Variants in HSPG2 observed in about 807,000 individuals in gnomAD.
HSPG2 encodes the protein heparan sulfate proteoglycan 2.
A neutral mutation model predicts 526.6 loss-of-function variants in HSPG2; 278 were observed. The observed-to-expected ratio is 0.53, with a 90% CI of 0.48 to 0.58. HSPG2 has a LOEUF of 0.58. HSPG2 is among the 20% of genes least tolerant of loss of function. The pLI is 0.00. For synonymous variants in HSPG2, 2,465 were observed against 2,555.4 expected, an observed-to-expected ratio of 0.96 and a Z score of 1.07; for missense variants, 5,354 against 6,099.5, an observed-to-expected ratio of 0.88 and a Z score of 4.07.
At chr1:21,827,386 C>A (rs1421077580) in intron 91 of HSPG2, among the ~76,000 whole-genome samples, 1 of 152,186 alleles carries the variant, frequency 6.6e-6, no homozygotes, top group Non-Finnish European at 1.5e-5. Flanking sequence ...GGCTCCAAGT[C>A]TATACTCTTA....
chr1:21,839,858 C>T lies in HSPG2; in HGVS notation c.9673G>A (p.Ala3225Thr), dbSNP rs2098041709. ...QAEEAELTVE[A>T]GHTATLRCSA... The stretch of plus-strand genomic sequence containing the variant: ...CAGCGCAAGGTGGCCGTGTGTCCAG[C>T]CTCCACAGTCAGCTCAGCTTCTTCA... Residue 3225 changes from alanine (A) to threonine (T), a missense_variant, in exon 72 of 97, where the codon GCT (alanine) becomes ACT (threonine). Physicochemically the swap from Ala to Thr is moderately conservative, Grantham distance 58 (BLOSUM62 0). Coordinates refer to ENST00000374695, the MANE Select transcript of HSPG2 (RefSeq NM_005529.7). This position sits in a 1 kb window ranked among gnomAD's most constrained non-coding sequence, Gnocchi z 4.5. The T allele has an allele frequency of 6.2e-7, 1 of 1,614,052 alleles. No individual in the cohort carries two copies. The highest frequency in any genetic ancestry group is 8.5e-7 in the Non-Finnish European group (1 of 1,180,024).
At chr1:21,925,062 T>C (rs940056984) in intron 1 of HSPG2, among the ~76,000 whole-genome samples, 1 of 152,214 alleles carries the variant, frequency 6.6e-6, no homozygotes, top group African/African-American at 2.4e-5. Flanking sequence ...TCCAATTTCT[T>C]CCAGGAGGTC....
chr1:21,878,593 C>A lies in HSPG2; in HGVS notation c.2542G>T (p.Gly848Cys). ...CTCCCTCACCTCTCACAGCGGCGGCCAGTGTAGCCTGGGGCACAGGCGTCA... is the reference window on the plus strand; with the variant it reads ...CTCCCTCACCTCTCACAGCGGCGGCAAGTGTAGCCTGGGGCACAGGCGTCA... Reference protein sequence around the residue: ...TCDACAPGYTGRRCESCAPGY... With the variant: ...TCDACAPGYTCRRCESCAPGY... The change falls in exon 19 of 97, where the codon GGC (glycine) becomes TGC (cysteine). Residue 848 changes from glycine to cysteine, a missense_variant. Coordinates refer to ENST00000374695, the MANE Select transcript of HSPG2 (RefSeq NM_005529.7). The A allele has an allele frequency of 6.2e-7, 1 of 1,614,148 alleles. No homozygotes were observed. Among genetic ancestry groups the A allele is most frequent in the Non-Finnish European group, 8.5e-7 (1 of 1,180,036 alleles).
chr1:21,830,577 C>G, intron 85 of HSPG2: 2 of 286,438 alleles, frequency 7.0e-6, no homozygotes, highest in Middle Eastern at 1.2e-3. Context: ...GTATTCCCAG[C>G]TACTCAGGAG....
intron 1 of HSPG2, among the ~76,000 whole-genome samples, chr1:21,930,188 T>C (rs1644311989): frequency 6.6e-6 from 1 of 152,176 alleles, no homozygotes. Context: ...GCCTCTGCAC[T>C]AGCTGTGCCC....
rs1242549195 is a variant in HSPG2 at position 21,847,118 on chromosome 1, C to T, written c.8164+236G>A. Among the ~76,000 whole-genome samples the T allele has an allele frequency of 6.6e-6, 1 of 152,252 alleles. No homozygotes were observed. The highest frequency in any genetic ancestry group is 2.4e-5 in the African/African-American group (1 of 41,472). On this transcript the variant is annotated intron_variant, in intron 62 of 96. Coordinates refer to ENST00000374695, the MANE Select transcript of HSPG2 (RefSeq NM_005529.7). This position sits in a 1 kb window ranked among gnomAD's most constrained non-coding sequence, Gnocchi z 4.1. ...AACCCTCACAAAATTCGTAAACTTCCTGTGATGATGGAAATGCTTTTTATC... is the reference window on the plus strand; with the variant it reads ...AACCCTCACAAAATTCGTAAACTTCTTGTGATGATGGAAATGCTTTTTATC...
chr1:21,837,979 C>T (rs1196867634), intron 74 of HSPG2, among the ~76,000 whole-genome samples: 1 of 151,466 alleles, frequency 6.6e-6, no homozygotes, highest in Non-Finnish European at 1.5e-5. Flanking sequence ...CTACTAAAAA[C>T]ACAAAAATTA....
Position 21,880,636 on chromosome 1 carries a change from A to G in HSPG2, c.1998+20T>C. On this transcript the variant is annotated intron_variant, in intron 15 of 96. Coordinates refer to ENST00000374695, the MANE Select transcript of HSPG2 (RefSeq NM_005529.7). ...AAATCCCCCTTTGCTCCCAGCCCTAAGGGCTCAGGCGCCACCCACCTCAGA... is the reference window on the plus strand; with the variant it reads ...AAATCCCCCTTTGCTCCCAGCCCTAGGGGCTCAGGCGCCACCCACCTCAGA... The G allele has an allele frequency of 6.3e-7, 1 of 1,595,236 alleles. No individual in the cohort carries two copies. The highest frequency in any genetic ancestry group is 8.5e-7 in the Non-Finnish European group (1 of 1,171,128).
rs774285421 is a variant in HSPG2 at position 21,847,830 on chromosome 1, G to A, written c.7884C>T (p.Val2628=). 3.1e-6 allele frequency: 5 copies of A among 1,613,864 alleles called. No individual in the cohort carries two copies. Among genetic ancestry groups the A allele is most frequent in the Non-Finnish European group, 4.2e-6 (5 of 1,180,036 alleles). The change falls in exon 61 of 97, where the codon GTC becomes GTT. Residue 2628 remains valine, a synonymous_variant. Coordinates refer to ENST00000374695, the MANE Select transcript of HSPG2 (RefSeq NM_005529.7). The surrounding 1 kb of genome is among the most constrained non-coding windows in gnomAD (Gnocchi z 4.1). ...ACGACTCGATCCTGATCGGTGGGGAGACGCTGGGCACTGGGGACAGACGGG... is the reference window on the plus strand; with the variant it reads ...ACGACTCGATCCTGATCGGTGGGGAAACGCTGGGCACTGGGGACAGACGGG... ...QGSGSSHVPS[V]SPPIRIESSS... is the part of the protein sequence containing the mutation.
intron 1 of HSPG2, among the ~76,000 whole-genome samples, chr1:21,903,868 C>T (rs1643228825): frequency 6.6e-6 from 1 of 152,196 alleles, no homozygotes; most frequent in Non-Finnish European, 1.5e-5. Flanking sequence ...GGCGAGAACA[C>T]TTGACCACCA....
At position 21,832,551 on chromosome 1, in the gene HSPG2, G is replaced by A. The variant is rs1294703587; in HGVS notation, c.11151C>T (p.Ala3717=). The A allele has an allele frequency of 6.2e-7, 1 of 1,614,220 alleles. No homozygotes were observed. Among genetic ancestry groups the A allele is most frequent in the African/African-American group, 1.3e-5 (1 of 75,062 alleles). Reference sequence around the variant, plus strand: ...AGGAGATGAAGTCGGGCTGCCGGTTGGCCAGGTTGGTGGGGCTCCCTGGGA... The same window carrying A: ...AGGAGATGAAGTCGGGCTGCCGGTTAGCCAGGTTGGTGGGGCTCCCTGGGA... ...KRVPGSPTNL[A]NRQPDFISFG... Residue 3717 remains alanine, a synonymous_variant, in exon 81 of 97, where the codon GCC becomes GCT. Transcript: ENST00000374695.
chr1:21,854,469 G>C (rs1639174565), intron 49 of HSPG2, 126 bp from the exon 50 acceptor site: 1 of 1,448,464 alleles, frequency 6.9e-7, no homozygotes, highest in South Asian at 1.3e-5. Flanking sequence ...GCTAGAAACT[G>C]GGAGGGAGGG....
chr1:21,867,497 T>C (rs574250271), intron 33 of HSPG2, among the ~76,000 whole-genome samples: 2 of 152,316 alleles, frequency 1.3e-5, no homozygotes, highest in South Asian at 4.1e-4. Flanking sequence ...TGAGCCCTAC[T>C]TTCCTCACAT....
rs1448652210 is a variant in HSPG2, at chr1:21,839,976, G to A, written c.9555C>T (p.Cys3185=). The A allele has an allele frequency of 6.2e-7, 1 of 1,614,206 alleles. No homozygotes were observed. The highest frequency in any genetic ancestry group is 8.5e-7 in the Non-Finnish European group (1 of 1,180,048). The change falls in exon 72 of 97, where the codon TGC becomes TGT. Residue 3185 remains cysteine, a synonymous_variant. Transcript: ENST00000374695. This position sits in a 1 kb window ranked among gnomAD's most constrained non-coding sequence, Gnocchi z 4.5. Reference sequence around the variant, plus strand: ...CTGTGCCTAGTGCATTCTGAGCAAGGCACACATAAGTGCCCGCATCTGATG... The same window carrying A: ...CTGTGCCTAGTGCATTCTGAGCAAGACACACATAAGTGCCCGCATCTGATG... The part of the protein sequence containing the change: ...AKPSDAGTYV[C]LAQNALGTAQ...
intron 29 of HSPG2, 49 bp downstream of exon 29, chr1:21,873,876 G>A: frequency 6.7e-7 from 1 of 1,489,186 alleles, no homozygotes; most frequent in Non-Finnish European, 9.1e-7. Context: ...GAGGATTCCA[G>A]GGACACCCCC....
At chr1:21,849,765 C>T (rs1345849699) in intron 57 of HSPG2, among the ~76,000 whole-genome samples, 1 of 152,106 alleles carries the variant, frequency 6.6e-6, no homozygotes, top group Non-Finnish European at 1.5e-5. Context: ...CTGCAACCTC[C>T]GCCTCCTGGG....
intron 1 of HSPG2, among the ~76,000 whole-genome samples, chr1:21,935,536 T>C (rs1194075688): frequency 3.3e-5 from 5 of 152,194 alleles, no homozygotes; most frequent in African/African-American, 1.2e-4. Flanking sequence ...GTGACTGCCA[T>C]GGAATGTCGC....
chr1:21,933,219 C>CAAAAAA (rs60550984), intron 1 of HSPG2, among the ~76,000 whole-genome samples: 1 of 94,278 alleles, frequency 1.1e-5, no homozygotes. Flanking sequence ...GACCCTGTCT[C>CAAAAAA]AAAAAAAAAA....
In HSPG2 at chr1:21,864,724, G is replaced by A; in HGVS notation, c.4626+119C>T. On this transcript the variant is annotated intron_variant, in intron 36 of 96. Transcript: ENST00000374695. The surrounding 1 kb of genome is among the most constrained non-coding windows in gnomAD (Gnocchi z 4.8). The stretch of plus-strand genomic sequence containing the variant: ...GGCTGTCGGGAGGAATACATGCAGG[G>A]CCCAGATGCAGGGGTCATTATAGTT... 1.2e-6 allele frequency: 1 copy of A among 822,152 alleles called. No homozygotes were observed. Among genetic ancestry groups the A allele is most frequent in the Non-Finnish European group, 2.0e-6 (1 of 496,370 alleles). 50.9% of individuals were successfully genotyped at this position (822,152 alleles called of 1,614,324 possible). A position where few individuals can be genotyped will look rare whatever the true frequency, so the allele number is the denominator to read the frequency against.
Sources: gnomAD v4.1 joint callset for allele counts (sites outside exome capture counted in the v4.1 genomes callset) on GRCh38, gnomAD v4.1.1 for gene constraint, Gnocchi (gnomAD v3.1) non-coding constraint, MANE v1.5 for transcripts, NCBI Gene and HGNC (gene_info 2026-07-23, HGNC 2026-07-21) for gene names.